BCL7A: variants seen among roughly 807,000 people sequenced by gnomAD.
BCL7A encodes B-cell CLL/lymphoma 7 protein family member A.
In BCL7A, 11 loss-of-function variants were observed where a neutral mutation model predicts 28.4. That is an observed-to-expected ratio of 0.39 (90% CI 0.24 to 0.64). The LOEUF (loss-of-function observed/expected upper bound fraction) is 0.64, where lower values mean the gene tolerates loss of function less well. Ranked by LOEUF, BCL7A falls within the 30% of genes least tolerant of loss-of-function variation. The pLI is 0.50. For synonymous variants in BCL7A, 123 were observed against 103.3 expected (o/e 1.19, Z -1.15); for missense variants, 222 against 274.8 (o/e 0.81, Z 1.36).
At chr12:122,054,647 A>G (rs1269246637) in intron 4 of BCL7A, among the ~76,000 whole-genome samples, 158 bp from the exon 5 acceptor site, 1 of 152,182 alleles carries the variant, frequency 6.6e-6, no homozygotes, top group Admixed American at 6.5e-5. Context: ...AAAAATCAAC[A>G]GGAGACTCCC....
intron 1 of BCL7A, among the ~76,000 whole-genome samples, chr12:122,028,512 G>A (rs1383936427): frequency 6.6e-6 from 1 of 151,878 alleles, no homozygotes; most frequent in Non-Finnish European, 1.5e-5. Flanking sequence ...TGGCCAATCT[G>A]CATGGAGTCC....
chr12:122,058,950 G>A, intron 5 of BCL7A, 142 bp from the exon 6 acceptor site: 1 of 644,532 alleles, frequency 1.6e-6, no homozygotes, highest in Non-Finnish European at 2.7e-6. Context: ...TCCACGCTTG[G>A]GCCTCGGGTC....
intron 4 of BCL7A, among the ~76,000 whole-genome samples, chr12:122,053,628 G>T (rs1884244038): frequency 6.6e-6 from 1 of 152,144 alleles, no homozygotes; most frequent in Non-Finnish European, 1.5e-5. Context: ...GTCTGGCTCT[G>T]TGTCCAGTAA....
At position 122,030,718 on chromosome 12, in the gene BCL7A, C is replaced by T. The variant is rs200583395; in HGVS notation, c.111C>T (p.Thr37=). The T allele has an allele frequency of 3.9e-5, 63 of 1,613,890 alleles. No individual in the cohort carries two copies. The highest frequency in any genetic ancestry group is 1.6e-4 in the Middle Eastern group (1 of 6,076). The part of the protein sequence containing the change: ...KVRKWEKKWV[T]VGDTSLRIYK... ...TCCTCAGGGAGAAGAAATGGGTGAC[C>T]GTTGGTGACACATCCCTACGAATCT... is the stretch of plus-strand genomic sequence containing the variant. The change falls in exon 2 of 6, where the codon ACC becomes ACT. Residue 37 remains threonine, a synonymous_variant. Coordinates refer to ENST00000261822, the MANE Select transcript of BCL7A (RefSeq NM_001024808.3).
intron 4 of BCL7A, 78 bp from the exon 5 acceptor site, chr12:122,054,727 T>TAA: frequency 7.0e-7 from 1 of 1,423,854 alleles, no homozygotes; most frequent in African/African-American, 1.4e-5. Context: ...CGATTCAAGG[T>TAA]ATTTTCAGTA....
chr12:122,029,182 G>T lies in BCL7A; in HGVS notation c.93-1518G>T, dbSNP rs1473270789. Reference sequence around the variant, plus strand: ...GGGAAGTTGCCATTTCCTGCCGGATGAGCCGGCACAGTCCTTGGTACATAG... The same window carrying T: ...GGGAAGTTGCCATTTCCTGCCGGATTAGCCGGCACAGTCCTTGGTACATAG... On this transcript the variant is annotated intron_variant, in intron 1 of 5. Coordinates refer to ENST00000261822, the MANE Select transcript of BCL7A (RefSeq NM_001024808.3). This position sits in a 1 kb window ranked among gnomAD's most constrained non-coding sequence, Gnocchi z 4.3. 1.3e-5 allele frequency among the ~76,000 whole-genome samples: 2 copies of T among 152,170 alleles called. No individual in the cohort carries two copies. Among genetic ancestry groups the T allele is most frequent in the African/African-American group, 4.8e-5 (2 of 41,432 alleles).
At chr12:122,032,849 C>G (rs1453937309) in intron 2 of BCL7A, among the ~76,000 whole-genome samples, 1 of 152,182 alleles carries the variant, frequency 6.6e-6, no homozygotes, top group Non-Finnish European at 1.5e-5. Flanking sequence ...TGCCACTCCC[C>G]CACCCCCTTT....
intron 5 of BCL7A, among the ~76,000 whole-genome samples, chr12:122,055,249 T>A (rs1460230184): frequency 2.6e-5 from 4 of 152,160 alleles, no homozygotes; most frequent in Non-Finnish European, 5.9e-5. Context: ...ATCTCAGTGA[T>A]CCCCAGATCG....
At chr12:122,032,173 T>C (rs1414708901) in intron 2 of BCL7A, among the ~76,000 whole-genome samples, 1 of 152,134 alleles carries the variant, frequency 6.6e-6, no homozygotes, top group Non-Finnish European at 1.5e-5. Flanking sequence ...AAGTCTTGGG[T>C]CTCTGGGCAG....
intron 1 of BCL7A, among the ~76,000 whole-genome samples, chr12:122,024,455 G>GTTT (rs1246502202): frequency 1.2e-4 from 10 of 81,070 alleles, no homozygotes; most frequent in African/African-American, 2.9e-4. Context: ...TGGCTTTGAG[G>GTTT]TTTTTTGTTT....
chr12:122,057,503 T>A (rs1951886711), intron 5 of BCL7A, among the ~76,000 whole-genome samples: 1 of 152,126 alleles, frequency 6.6e-6, no homozygotes, highest in Non-Finnish European at 1.5e-5. Context: ...AGCAGGCTGC[T>A]CCATCAGCCA....
rs1951903455 is a variant in BCL7A, at chr12:122,059,572, T to C, written c.*409T>C. ...ACTGTTCAACCGATTCCTTCCGCTT[T>C]CTTTTTTTGTGCCTTGTGCCCTTGA... On this transcript the variant is annotated 3_prime_UTR_variant, in exon 6 of 6. Coordinates refer to ENST00000261822, the MANE Select transcript of BCL7A (RefSeq NM_001024808.3). The surrounding 1 kb of genome is among the most constrained non-coding windows in gnomAD (Gnocchi z 4.0). 4.1e-6 allele frequency: 1 copy of C among 241,130 alleles called. No homozygotes were observed. Among genetic ancestry groups the C allele is most frequent in the Non-Finnish European group, 8.1e-6 (1 of 123,134 alleles). 14.9% of individuals were successfully genotyped at this position (241,130 alleles called of 1,614,324 possible).
At chr12:122,030,592 A>G (rs1265103513) in intron 1 of BCL7A, 108 bp from the exon 2 acceptor site, 26 of 1,044,016 alleles carry the variant, frequency 2.5e-5, no homozygotes, top group East Asian at 9.6e-5. Context: ...TGGGATTCCA[A>G]CCCTCATCTG....
chr12:122,025,218 C>T (rs947796337), intron 1 of BCL7A, among the ~76,000 whole-genome samples: 4 of 152,092 alleles, frequency 2.6e-5, no homozygotes, highest in Non-Finnish European at 5.9e-5. Flanking sequence ...AGCTTGGAGG[C>T]CCGCTGCGGT....
chr12:122,022,830 G>A lies in BCL7A; in HGVS notation c.92+647G>A, dbSNP rs1049189816. Among the ~76,000 whole-genome samples, 27 of 151,760 alleles carry A rather than the reference G, an allele frequency of 1.8e-4. 2 individuals carry two copies. The highest frequency in any genetic ancestry group is 1.5e-5 in the Non-Finnish European group (1 of 67,914). ...GGGCTCTCGGCGACCAGGAAAGATG[G>A]GGGCGAGCGCTGGGAGCCAGCGGCC... On this transcript the variant is annotated intron_variant, in intron 1 of 5. Coordinates refer to ENST00000261822, the MANE Select transcript of BCL7A (RefSeq NM_001024808.3).
At chr12:122,034,426 A>T (rs1388401647) in intron 2 of BCL7A, among the ~76,000 whole-genome samples, 10 of 16,976 alleles carry the variant, frequency 5.9e-4, no homozygotes, top group East Asian at 4.1e-3. Context: ...TTCCTTTCGT[A>T]AAAAAAAAAA....
chr12:122,054,431 G>A (rs1252817968), intron 4 of BCL7A, among the ~76,000 whole-genome samples: 1 of 152,170 alleles, frequency 6.6e-6, no homozygotes, highest in South Asian at 2.1e-4. Flanking sequence ...AGGTTAGGAC[G>A]AAGCCACCTT....
intron 1 of BCL7A, among the ~76,000 whole-genome samples, chr12:122,030,194 A>G (rs1565935356): frequency 6.6e-6 from 1 of 152,218 alleles, no homozygotes; most frequent in Non-Finnish European, 1.5e-5. Context: ...TTCTTCCGGC[A>G]GAGTGTGGGC....
At chr12:122,024,766 ATATTTGGGACACACT>A (rs1233027315) in intron 1 of BCL7A, among the ~76,000 whole-genome samples, 2 of 152,202 alleles carry the variant, frequency 1.3e-5, no homozygotes, top group African/African-American at 4.8e-5. Flanking sequence ...GTCTCATGCA[ATATTTGGGACACACT>A]TATACTAAAA....
Sources: allele counts gnomAD v4.1 joint callset (sites outside exome capture counted in the v4.1 genomes callset), GRCh38; gene constraint gnomAD v4.1.1; non-coding constraint Gnocchi (gnomAD v3.1); transcripts MANE v1.5; gene names NCBI Gene and HGNC (gene_info 2026-07-23, HGNC 2026-07-21).